Variants in ZNF609 observed in about 807,000 individuals in gnomAD.
ZNF609 encodes the protein zinc finger protein 609.
A neutral mutation model predicts 109.5 loss-of-function variants in ZNF609; 11 were observed. That is an observed-to-expected ratio of 0.10 (90% CI 0.06 to 0.17). The LOEUF (loss-of-function observed/expected upper bound fraction) is 0.17, where lower values mean the gene tolerates loss of function less well. ZNF609 is among the 10% of genes least tolerant of loss of function. ZNF609 has a pLI of 1.00. For synonymous variants in ZNF609, 646 were observed against 662.0 expected (o/e 0.98, Z 0.37); for missense variants, 1,559 against 1,772.4 (o/e 0.88, Z 2.16).
At chr15:64,531,504 C>T (rs914887869) in intron 2 of ZNF609, among the ~76,000 whole-genome samples, 23 of 152,088 alleles carry the variant, frequency 1.5e-4, no homozygotes, top group African/African-American at 5.1e-4. Context: ...TTCAAGTGAT[C>T]CTTCCACCTC....
intron 2 of ZNF609, among the ~76,000 whole-genome samples, chr15:64,517,179 C>G (rs1183029713): frequency 6.6e-6 from 1 of 152,092 alleles, no homozygotes; most frequent in Non-Finnish European, 1.5e-5. Context: ...AGTTCAAGAC[C>G]AGCCTGGTCA....
chr15:64,564,021 C>A (rs1278624984), intron 2 of ZNF609, among the ~76,000 whole-genome samples: 1 of 151,958 alleles, frequency 6.6e-6, no homozygotes, highest in African/African-American at 2.4e-5. Flanking sequence ...GTAGCTGGGA[C>A]TGCAGACAGG....
intron 3 of ZNF609, among the ~76,000 whole-genome samples, chr15:64,657,832 C>T (rs1896512877): frequency 6.6e-6 from 1 of 152,162 alleles, no homozygotes; most frequent in Admixed American, 6.5e-5. Flanking sequence ...TGGTGGCTGA[C>T]TCTTGTCCAA....
Position 64,673,967 on chromosome 15 carries a change from A to C in ZNF609, c.1113A>C (p.Arg371Ser). Residue 371 changes from arginine (R) to serine (S), a missense_variant, in exon 5 of 10, where the codon AGA becomes AGC. This residue lies in a region of ZNF609 where 1,204 missense variants were observed against 1,314.1 expected (regional missense o/e 0.92). Transcript: ENST00000326648. ...TGGAAATGCGCAATGGCCGGGGTAG[A>C]GGCAAACGCATGCGTCCCAACAGTA... Reference protein sequence around the residue: ...SDLEMRNGRGRGKRMRPNSNT... With the variant: ...SDLEMRNGRGSGKRMRPNSNT... The C allele has an allele frequency of 1.2e-6, 2 of 1,614,202 alleles. No individual in the cohort carries two copies. The highest frequency in any genetic ancestry group is 1.7e-6 in the Non-Finnish European group (2 of 1,180,032).
intron 2 of ZNF609, among the ~76,000 whole-genome samples, chr15:64,617,549 G>A (rs1895818672): frequency 6.6e-6 from 1 of 151,952 alleles, no homozygotes; most frequent in Non-Finnish European, 1.5e-5. Flanking sequence ...GGATGCTGTG[G>A]CGGTTGGATC....
chr15:64,631,532 C>A (rs1031766041), intron 3 of ZNF609: 13 of 620,368 alleles, frequency 2.1e-5, no homozygotes, highest in East Asian at 6.5e-5. Flanking sequence ...TTCATATTTT[C>A]TTTTCTTTCT....
intron 3 of ZNF609, among the ~76,000 whole-genome samples, chr15:64,662,232 A>G (rs1032701418): frequency 6.6e-5 from 10 of 152,250 alleles, no homozygotes; most frequent in African/African-American, 2.4e-4. Context: ...GAGAGAAAGC[A>G]AGGAGGAACC....
At chr15:64,493,199 G>T (rs1893438340) in intron 1 of ZNF609, among the ~76,000 whole-genome samples, 1 of 152,140 alleles carries the variant, frequency 6.6e-6, no homozygotes, top group South Asian at 2.1e-4. Flanking sequence ...GGGTGAAAGA[G>T]AAATGTAGTG....
At chr15:64,516,076 A>G (rs1025308170) in intron 2 of ZNF609, among the ~76,000 whole-genome samples, 3 of 152,210 alleles carry the variant, frequency 2.0e-5, no homozygotes, top group Non-Finnish European at 4.4e-5. Flanking sequence ...CATTCAGGCC[A>G]GAGAAAAGTC....
intron 2 of ZNF609, among the ~76,000 whole-genome samples, chr15:64,578,963 C>T (rs1895047662): frequency 6.6e-6 from 1 of 151,954 alleles, no homozygotes; most frequent in African/African-American, 2.4e-5. Context: ...GATAGGGCCA[C>T]TATATTCCAG....
intron 6 of ZNF609, among the ~76,000 whole-genome samples, 157 bp downstream of exon 6, chr15:64,678,639 T>C (rs1272799774): frequency 6.6e-6 from 1 of 152,236 alleles, no homozygotes; most frequent in Non-Finnish European, 1.5e-5. Context: ...GTGGCCACCA[T>C]AACCCATAGT....
rs1479304336 is a variant in ZNF609, at chr15:64,566,923, G to T, written c.748-55904G>T. On this transcript the variant is annotated intron_variant, in intron 2 of 9. Coordinates refer to ENST00000326648, the MANE Select transcript of ZNF609 (RefSeq NM_015042.2). ...TGTCACTCAGAGGTGAGGACTATTT[G>T]ATGGCAGGCAACCTTAAGCTGCTGA... Among the ~76,000 whole-genome samples, 5 of 152,296 alleles carry T rather than the reference G, an allele frequency of 3.3e-5. No individual in the cohort carries two copies. In the East Asian group the frequency reaches 9.6e-4, roughly 29 times the overall value.
At chr15:64,672,397 G>A (rs1180004306) in intron 4 of ZNF609, among the ~76,000 whole-genome samples, 3 of 150,176 alleles carry the variant, frequency 2.0e-5, no homozygotes, top group African/African-American at 2.4e-5. Flanking sequence ...GGCTGAGGCG[G>A]GTGGATCACC....
intron 2 of ZNF609, among the ~76,000 whole-genome samples, chr15:64,519,290 G>C (rs1893858987): frequency 6.6e-6 from 1 of 152,118 alleles, no homozygotes; most frequent in African/African-American, 2.4e-5. Flanking sequence ...GAAATCTAAA[G>C]ATTTAAGAGT....
At chr15:64,498,675 C>T (rs953301990) in intron 1 of ZNF609, among the ~76,000 whole-genome samples, 1 of 152,038 alleles carries the variant, frequency 6.6e-6, no homozygotes, top group African/African-American at 2.4e-5. Flanking sequence ...TGGTTGAGTC[C>T]CCTCTGAGAT....
chr15:64,631,248 T>C, intron 3 of ZNF609: 2 of 649,860 alleles, frequency 3.1e-6, no homozygotes, highest in East Asian at 3.2e-5. Context: ...TTTCTTTTTC[T>C]GATCATTTTT....
intron 1 of ZNF609, among the ~76,000 whole-genome samples, chr15:64,476,319 TATC>T (rs1397800022): frequency 2.0e-5 from 3 of 151,904 alleles, no homozygotes; most frequent in African/African-American, 7.3e-5. Context: ...TCATGGATAT[TATC>T]TTTGAATAGG....
intron 2 of ZNF609, among the ~76,000 whole-genome samples, chr15:64,596,454 C>T (rs1014905837): frequency 2.6e-5 from 4 of 152,138 alleles, no homozygotes; most frequent in Non-Finnish European, 5.9e-5. Context: ...GTGCTCTATG[C>T]CAAGCTCTTT....
chr15:64,623,714 T>G (rs1314468201), intron 3 of ZNF609, among the ~76,000 whole-genome samples: 7 of 152,248 alleles, frequency 4.6e-5, no homozygotes, highest in Non-Finnish European at 1.0e-4. Flanking sequence ...GAACGGAATC[T>G]ATTCTGTTTT....
Sources: gnomAD v4.1 joint callset for allele counts (sites outside exome capture counted in the v4.1 genomes callset) on GRCh38, gnomAD v4.1.1 for gene constraint, gnomAD v4.1.1 regional missense constraint, MANE v1.5 for transcripts, NCBI Gene and HGNC (gene_info 2026-07-23, HGNC 2026-07-21) for gene names.